Variants in AGK observed in about 807,000 individuals in gnomAD.
AGK encodes the protein acylglycerol kinase, mitochondrial.
A neutral mutation model predicts 66.4 loss-of-function variants in AGK; 52 were observed. The ratio of observed to expected loss-of-function variants is 0.78; its 90% CI spans 0.63 to 0.99. The LOEUF (loss-of-function observed/expected upper bound fraction) is 0.99, where lower values mean the gene tolerates loss of function less well. Among genes scored for constraint, AGK ranks in the 50% least tolerant of loss-of-function variants. The pLI, the probability that AGK is intolerant of heterozygous loss-of-function variation, is 0.00. For missense variants in AGK, 451 were observed against 506.6 expected (o/e 0.89, Z 1.05); for synonymous variants, 182 against 181.1 (o/e 1.00, Z -0.04).
intron 7 of AGK, 56 bp downstream of exon 7, chr7:141,614,234 G>T: frequency 7.0e-6 from 9 of 1,291,738 alleles, no homozygotes; most frequent in African/African-American, 4.7e-5. Context: ...CTTTTTTATT[G>T]CTTTTCTTTC....
chr7:141,597,917 AAAGAAAG>A (rs1796262513), intron 4 of AGK, among the ~76,000 whole-genome samples: 2 of 148,612 alleles, frequency 1.3e-5, no homozygotes, highest in Non-Finnish European at 3.0e-5. Context: ...AAAAAAAAAA[AAAGAAAG>A]AAGAAAGAAA....
chr7:141,635,241 G>A (rs1797145381), intron 10 of AGK, among the ~76,000 whole-genome samples: 2 of 152,138 alleles, frequency 1.3e-5, no homozygotes, highest in Admixed American at 1.3e-4. Context: ...GTGCTACCTT[G>A]GCTAGGCCCT....
Position 141,601,266 on chromosome 7 carries a change from G to A in AGK, c.283G>A (p.Val95Met), listed in dbSNP as rs749713416. 1.7e-5 allele frequency: 28 copies of A among 1,612,628 alleles called. No individual in the cohort carries two copies. The highest frequency in any genetic ancestry group is 2.4e-5 in the Non-Finnish European group (28 of 1,179,106). The change falls in exon 5 of 16, where the codon GTG (valine) becomes ATG (methionine). Residue 95 changes from valine (V) to methionine (M), a missense_variant. Coordinates refer to ENST00000649286, the MANE Select transcript of AGK (RefSeq NM_018238.4). ...GATTTTACATTTATCTGGCATGGAT[G>A]TGACTATTGTTAAGGTAAGAATGGC... ...APILHLSGMDVTIVKTDYEGQ... is the reference protein window; with the variant it reads ...APILHLSGMDMTIVKTDYEGQ...
chr7:141,590,685 G>A (rs919669668), intron 2 of AGK, among the ~76,000 whole-genome samples: 5 of 152,132 alleles, frequency 3.3e-5, no homozygotes, highest in African/African-American at 1.2e-4. Context: ...TTAGTGACAT[G>A]TTAATTATTT....
At chr7:141,559,428 G>C (rs910924275) in intron 2 of AGK, among the ~76,000 whole-genome samples, 1 of 152,116 alleles carries the variant, frequency 6.6e-6, no homozygotes, top group Non-Finnish European at 1.5e-5. Flanking sequence ...TGACCATATA[G>C]ATGAGGATTT....
intron 6 of AGK, among the ~76,000 whole-genome samples, chr7:141,613,843 T>C (rs1049850018): frequency 1.3e-5 from 2 of 152,242 alleles, no homozygotes; most frequent in Non-Finnish European, 2.9e-5. Flanking sequence ...AATTGATGTG[T>C]ACATCATATT....
At chr7:141,601,126 T>TGAA (rs1310829046) in intron 4 of AGK, 79 bp from the exon 5 acceptor site, 18 of 1,063,974 alleles carry the variant, frequency 1.7e-5, no homozygotes, top group South Asian at 1.5e-4. Context: ...TATTCTGCCC[T>TGAA]GAAGAAGATT....
chr7:141,633,310 T>G (rs1159590171), intron 9 of AGK, among the ~76,000 whole-genome samples: 1 of 152,238 alleles, frequency 6.6e-6, no homozygotes, highest in East Asian at 1.9e-4. Flanking sequence ...GGCTGTATTG[T>G]GCATTTTTTC....
At chr7:141,636,697 C>G (rs183464919) in intron 10 of AGK, among the ~76,000 whole-genome samples, 9 of 152,264 alleles carry the variant, frequency 5.9e-5, no homozygotes, top group Admixed American at 5.9e-4. Context: ...AATTTAGTGA[C>G]TCAAGGAGCC....
At chr7:141,629,260 C>T (rs750862970) in intron 9 of AGK, among the ~76,000 whole-genome samples, 2 of 152,106 alleles carry the variant, frequency 1.3e-5, no homozygotes, top group South Asian at 2.1e-4. Context: ...CCAACCTGCT[C>T]GCTCCATTAT....
Position 141,652,861 on chromosome 7 carries a change from G to A in AGK, c.1206G>A (p.Arg402=). The A allele has an allele frequency of 6.2e-7, 1 of 1,614,092 alleles. No individual in the cohort carries two copies. Among genetic ancestry groups the A allele is most frequent in the Non-Finnish European group, 8.5e-7 (1 of 1,180,010 alleles). The change falls in exon 16 of 16, where the codon AGG becomes AGA. Residue 402 remains arginine, a synonymous_variant. Transcript: ENST00000649286. ...AMPVEVKLLP[R]KLQFFCDPRK... is the part of the protein sequence containing the mutation. The stretch of plus-strand genomic sequence containing the variant: ...CTGTGGAGGTGAAACTGCTCCCCAG[G>A]AAGCTGCAGTTCTTCTGTGATCCTA...
At chr7:141,636,036 A>T (rs959919529) in intron 10 of AGK, among the ~76,000 whole-genome samples, 4 of 152,234 alleles carry the variant, frequency 2.6e-5, no homozygotes, top group Non-Finnish European at 5.9e-5. Flanking sequence ...TAAGAGAAGA[A>T]TCTATTTTAT....
intron 2 of AGK, among the ~76,000 whole-genome samples, chr7:141,582,350 C>T (rs1246549329): frequency 1.3e-5 from 2 of 152,010 alleles, no homozygotes; most frequent in African/African-American, 4.8e-5. Flanking sequence ...GTTTCTCTCA[C>T]AGTGGAGACA....
intron 9 of AGK, among the ~76,000 whole-genome samples, chr7:141,627,368 C>T (rs1796961276): frequency 6.6e-6 from 1 of 152,006 alleles, no homozygotes; most frequent in Non-Finnish European, 1.5e-5. Flanking sequence ...GCCCCATGTT[C>T]TTAGATTTGG....
rs552430124 is a variant in AGK, at chr7:141,654,496, TAACA to T, written c.*1578_*1581del. The T allele has an allele frequency of 5.9e-5, 9 of 152,386 alleles. No homozygotes were observed. Among genetic ancestry groups the T allele is most frequent in the East Asian group, 1.9e-4 (1 of 5,192 alleles). The allele number at this position is 152,386 out of a possible 1,614,324, so 9.4% of individuals were successfully genotyped here. A position where few individuals can be genotyped will look rare whatever the true frequency, so the allele number is the denominator to read the frequency against. ...GAATTATTAATGATGATCTATCAAC[TAACA>T]AACAACTTGATTAGATTCTCCTTTA... On this transcript the variant is annotated 3_prime_UTR_variant, in exon 16 of 16. Transcript: ENST00000649286.
At chr7:141,603,243 C>T (rs969962388) in intron 5 of AGK, among the ~76,000 whole-genome samples, 1 of 152,050 alleles carries the variant, frequency 6.6e-6, no homozygotes, top group African/African-American at 2.4e-5. Flanking sequence ...TAGAAATCTC[C>T]CACTGTAATT....
chr7:141,560,949 G>T (rs1297103327), intron 2 of AGK, among the ~76,000 whole-genome samples: 1 of 151,832 alleles, frequency 6.6e-6, no homozygotes, highest in East Asian at 1.9e-4. Context: ...GCCTGCCACC[G>T]CACCCAGCTA....
intron 2 of AGK, among the ~76,000 whole-genome samples, chr7:141,562,310 T>G (rs1338350293): frequency 6.6e-6 from 1 of 152,226 alleles, no homozygotes; most frequent in Admixed American, 6.5e-5. Context: ...GAGGTGGCAT[T>G]TGCAAGAGAA....
chr7:141,610,689 T>C (rs955019994), intron 5 of AGK, among the ~76,000 whole-genome samples: 1 of 152,220 alleles, frequency 6.6e-6, no homozygotes, highest in African/African-American at 2.4e-5. Flanking sequence ...GAAGTTATCA[T>C]TATTCCCTCC....
Sources: gnomAD v4.1 joint callset for allele counts (sites outside exome capture counted in the v4.1 genomes callset) on GRCh38, gnomAD v4.1.1 for gene constraint, MANE v1.5 for transcripts, NCBI Gene and HGNC (gene_info 2026-07-23, HGNC 2026-07-21) for gene names.